Variants in NTF3 observed in about 807,000 individuals in gnomAD.
NTF3 encodes the protein neurotrophin 3, also known as neurotrophin-3.
A neutral mutation model predicts 26.3 loss-of-function variants in NTF3; 8 were observed. The ratio of observed to expected loss-of-function variants is 0.30; its 90% CI spans 0.18 to 0.55. The LOEUF is 0.55. Among genes scored for constraint, NTF3 ranks in the 20% least tolerant of loss-of-function variants. The probability of loss-of-function intolerance (pLI) is 0.93; values close to 1 mark genes in which losing one functional copy is unlikely to be tolerated. For missense variants in NTF3, 276 were observed against 352.9 expected, an observed-to-expected ratio of 0.78 and a Z score of 1.75; for synonymous variants, 154 against 145.5, an observed-to-expected ratio of 1.06 and a Z score of -0.42.
chr12:5,443,277 G>A (rs1282428162), intron 1 of NTF3, among the ~76,000 whole-genome samples: 6 of 152,124 alleles, frequency 3.9e-5, no homozygotes, highest in South Asian at 2.1e-4. Flanking sequence ...CCCCATCCCC[G>A]ACCCTGCATC....
intron 1 of NTF3, among the ~76,000 whole-genome samples, chr12:5,480,076 T>G (rs1438697119): frequency 6.6e-6 from 1 of 152,212 alleles, no homozygotes; most frequent in Non-Finnish European, 1.5e-5. Context: ...TCTTCAGCTC[T>G]TCCAGTGCAG....
At chr12:5,443,011 T>C (rs12318082) in intron 1 of NTF3, among the ~76,000 whole-genome samples, 4,087 of 152,136 alleles carry the variant, frequency 0.027, 193 homozygotes, top group African/African-American at 0.092. Context: ...TTTTGGGAGT[T>C]TGGAGGAAGG....
At chr12:5,458,759 T>C (rs11063690) in intron 1 of NTF3, among the ~76,000 whole-genome samples, 4,623 of 152,338 alleles carry the variant, frequency 0.03, 103 homozygotes, top group South Asian at 0.044. Context: ...ACGGAGCTTA[T>C]TCCTTCTTTG....
intron 1 of NTF3, among the ~76,000 whole-genome samples, chr12:5,463,591 G>T (rs1223241797): frequency 6.6e-6 from 1 of 152,132 alleles, no homozygotes; most frequent in Admixed American, 6.5e-5. Context: ...AGGATATGGA[G>T]AAAAAGACCA....
chr12:5,454,821 G>T (rs1053280459), intron 1 of NTF3, among the ~76,000 whole-genome samples: 1 of 152,316 alleles, frequency 6.6e-6, no homozygotes, highest in South Asian at 2.1e-4. Flanking sequence ...GAAAGCAGAG[G>T]GCCTAGGCAG....
At chr12:5,449,772 C>T (rs1367141278) in intron 1 of NTF3, among the ~76,000 whole-genome samples, 1 of 152,200 alleles carries the variant, frequency 6.6e-6, no homozygotes, top group African/African-American at 2.4e-5. Flanking sequence ...CAGGATAATC[C>T]ATCTGATTTC....
At position 5,453,875 on chromosome 12, in the gene NTF3, A is replaced by G. The variant is rs527364591; in HGVS notation, c.18+21533A>G. Among the ~76,000 whole-genome samples the G allele has an allele frequency of 8.5e-5, 13 of 152,348 alleles. No individual in the cohort carries two copies. The South Asian group carries it at 2.7e-3, about 32-fold the overall frequency. ...GGTAGAGTTTGAGTTTCCCAGACACATTCCAGGAGCTCTTTTGATCCAAGG... is the reference window on the plus strand; with the variant it reads ...GGTAGAGTTTGAGTTTCCCAGACACGTTCCAGGAGCTCTTTTGATCCAAGG... On this transcript the variant is annotated intron_variant, in intron 1 of 1. Transcript: ENST00000423158.
chr12:5,466,197 C>T (rs1940586808), intron 1 of NTF3, among the ~76,000 whole-genome samples: 1 of 152,196 alleles, frequency 6.6e-6, no homozygotes, highest in Non-Finnish European at 1.5e-5. Context: ...TACATCCATC[C>T]TTGGGAGAGG....
chr12:5,466,662 C>T (rs1940594106), intron 1 of NTF3, among the ~76,000 whole-genome samples: 1 of 152,214 alleles, frequency 6.6e-6, no homozygotes, highest in Admixed American at 6.5e-5. Flanking sequence ...AAAGTACTGC[C>T]TACTCACCAA....
At chr12:5,444,527 TC>T (rs774059872) in intron 1 of NTF3, among the ~76,000 whole-genome samples, 31 of 152,218 alleles carry the variant, frequency 2.0e-4, no homozygotes, top group Admixed American at 7.2e-4. Context: ...GTAGAGAAGT[TC>T]CGTGGGAGGA....
chr12:5,473,613 CG>C (rs1940691125), intron 1 of NTF3, among the ~76,000 whole-genome samples: 3 of 152,226 alleles, frequency 2.0e-5, no homozygotes, highest in Non-Finnish European at 4.4e-5. Flanking sequence ...GGGGAATCAT[CG>C]TCTAGTAGGT....
intron 1 of NTF3, among the ~76,000 whole-genome samples, chr12:5,465,100 G>A (rs1348842090): frequency 6.6e-6 from 1 of 152,204 alleles, no homozygotes; most frequent in African/African-American, 2.4e-5. Context: ...GCTCAGAGAG[G>A]TGAATCCATA....
At chr12:5,454,688 C>T (rs915671089) in intron 1 of NTF3, among the ~76,000 whole-genome samples, 8 of 152,190 alleles carry the variant, frequency 5.3e-5, no homozygotes, top group Non-Finnish European at 8.8e-5. Flanking sequence ...CTCAGTTCAG[C>T]TTTTTATGTT....
chr12:5,481,673 CAT>C (rs1267233765), intron 1 of NTF3, among the ~76,000 whole-genome samples: 6 of 130,672 alleles, frequency 4.6e-5, no homozygotes, highest in Non-Finnish European at 8.1e-5. Context: ...CATGCACACA[CAT>C]GTATAGACAT....
chr12:5,441,783 A>G (rs1338384166), intron 1 of NTF3, among the ~76,000 whole-genome samples: 1 of 152,222 alleles, frequency 6.6e-6, no homozygotes, highest in Non-Finnish European at 1.5e-5. Flanking sequence ...GGGCTTCAAA[A>G]CAGTGTTACC....
Position 5,494,685 on chromosome 12 carries a change from G to A in NTF3, c.510G>A (p.Leu170=), listed in dbSNP as rs751436067. 2.5e-6 allele frequency: 4 copies of A among 1,614,098 alleles called. No homozygotes were observed. The highest frequency in any genetic ancestry group is 3.4e-6 in the Non-Finnish European group (4 of 1,180,058). ...GEYSVCDSES[L]WVTDKSSAID... is the part of the protein sequence containing the mutation. ...ACTCGGTATGTGACAGTGAGAGTCT[G>A]TGGGTGACCGACAAGTCATCGGCCA... The change falls in exon 2 of 2, where the codon CTG becomes CTA. Residue 170 remains leucine (L), a synonymous_variant. Coordinates refer to ENST00000423158, the MANE Select transcript of NTF3 (RefSeq NM_001102654.2). The surrounding 1 kb of genome is among the most constrained non-coding windows in gnomAD (Gnocchi z 8.3).
chr12:5,432,559 ACACACACAC>A (rs1940107680), intron 1 of NTF3, among the ~76,000 whole-genome samples: 1 of 732 alleles, frequency 1.4e-3, no homozygotes, highest in Admixed American at 0.021. Context: ...ACCCCGCTAC[ACACACACAC>A]ACACACACAC....
At chr12:5,483,327 T>G (rs1307780628) in intron 1 of NTF3, among the ~76,000 whole-genome samples, 1 of 152,184 alleles carries the variant, frequency 6.6e-6, no homozygotes, top group Non-Finnish European at 1.5e-5. Flanking sequence ...CAGACCCTCT[T>G]CTGGCGCACA....
At chr12:5,435,308 A>C (rs1222455187) in intron 1 of NTF3, among the ~76,000 whole-genome samples, 1 of 152,246 alleles carries the variant, frequency 6.6e-6, no homozygotes, top group Non-Finnish European at 1.5e-5. Context: ...ATTGCTGGGT[A>C]CTGGGGCATG....
Sources: gnomAD v4.1 joint callset for allele counts (sites outside exome capture counted in the v4.1 genomes callset) on GRCh38, gnomAD v4.1.1 for gene constraint, Gnocchi (gnomAD v3.1) non-coding constraint, MANE v1.5 for transcripts, NCBI Gene and HGNC (gene_info 2026-07-23, HGNC 2026-07-21) for gene names.